SYT6: variants seen among roughly 807,000 people sequenced by gnomAD.
SYT6 encodes synaptotagmin 6, also known as synaptotagmin-6.
Under a neutral mutation model 38.4 loss-of-function variants are expected in SYT6, and 24 were observed. The ratio of observed to expected loss-of-function variants is 0.62; its 90% CI spans 0.45 to 0.88. SYT6 has a LOEUF of 0.88. Among genes scored for constraint, SYT6 ranks in the 40% least tolerant of loss-of-function variants. The pLI is 0.00. For synonymous variants in SYT6, 265 were observed against 241.9 expected (o/e 1.10, Z -0.89); for missense variants, 611 against 621.0 (o/e 0.98, Z 0.17).
At chr1:114,126,707 A>G (rs1002619849) in intron 3 of SYT6, among the ~76,000 whole-genome samples, 1 of 152,212 alleles carries the variant, frequency 6.6e-6, no homozygotes, top group Non-Finnish European at 1.5e-5. Context: ...TAAGGGAAAG[A>G]TTAGATATTT....
chr1:114,100,871 C>G (rs1047619254), intron 4 of SYT6, among the ~76,000 whole-genome samples: 1 of 152,224 alleles, frequency 6.6e-6, no homozygotes. Context: ...CAAAGTGGCT[C>G]CAGACTTGAG....
chr1:114,115,327 T>C (rs1295546915), intron 3 of SYT6, among the ~76,000 whole-genome samples: 1 of 152,236 alleles, frequency 6.6e-6, no homozygotes, highest in East Asian at 1.9e-4. Flanking sequence ...TTTGAATCTA[T>C]TTATTTTGGT....
intron 3 of SYT6, among the ~76,000 whole-genome samples, chr1:114,126,227 T>C (rs539649257): frequency 5.3e-4 from 80 of 152,298 alleles, no homozygotes; most frequent in Non-Finnish European, 1.0e-3. Flanking sequence ...AGGAGGAGGT[T>C]GAGCCAGGTC....
chr1:114,098,695 A>T (rs1194739553), intron 5 of SYT6, among the ~76,000 whole-genome samples: 2 of 152,196 alleles, frequency 1.3e-5, no homozygotes, highest in African/African-American at 4.8e-5. Context: ...GCAGGAATTG[A>T]TGGAGGCAGG....
intron 3 of SYT6, among the ~76,000 whole-genome samples, chr1:114,130,255 T>C (rs1678070339): frequency 6.6e-6 from 1 of 152,180 alleles, no homozygotes. Context: ...CTATTTATCT[T>C]AGTCATTTGC....
intron 3 of SYT6, among the ~76,000 whole-genome samples, chr1:114,117,215 T>C (rs1233529322): frequency 6.6e-6 from 1 of 152,238 alleles, no homozygotes; most frequent in Admixed American, 6.5e-5. Context: ...ATGCTTGAGG[T>C]GGCTACCTGT....
chr1:114,100,237 G>A (rs991804981), intron 4 of SYT6, among the ~76,000 whole-genome samples: 2 of 152,136 alleles, frequency 1.3e-5, no homozygotes, highest in Non-Finnish European at 2.9e-5. Context: ...GAAATGGGAG[G>A]GCGGCTCACA....
chr1:114,092,269 T>A (rs376133826), intron 7 of SYT6, among the ~76,000 whole-genome samples, 187 bp from the exon 8 acceptor site: 1 of 151,732 alleles, frequency 6.6e-6, no homozygotes, highest in African/African-American at 2.4e-5. Flanking sequence ...GAATACCTGA[T>A]TTTCAAAAAG....
intron 3 of SYT6, among the ~76,000 whole-genome samples, chr1:114,104,016 C>T (rs77304068): frequency 3.2e-3 from 490 of 152,322 alleles, no homozygotes; most frequent in African/African-American, 0.011. Context: ...GATCTCCATG[C>T]GCCCCTTGGC....
intron 3 of SYT6, among the ~76,000 whole-genome samples, chr1:114,125,693 G>A (rs570734106): frequency 6.6e-6 from 1 of 152,220 alleles, no homozygotes; most frequent in East Asian, 1.9e-4. Flanking sequence ...ACTGGACAAG[G>A]CTGACCTATA....
intron 3 of SYT6, among the ~76,000 whole-genome samples, chr1:114,120,086 A>AT (rs892683175): frequency 2.6e-5 from 4 of 151,840 alleles, no homozygotes; most frequent in African/African-American, 9.7e-5. Flanking sequence ...AAAAAAAAAA[A>AT]ATCTCTTTTA....
chr1:114,148,447 T>C (rs1290644786), intron 1 of SYT6, among the ~76,000 whole-genome samples: 1 of 152,200 alleles, frequency 6.6e-6, no homozygotes, highest in Admixed American at 6.5e-5. Context: ...GGGCCTGGAA[T>C]TGGTGGTGGA....
At chr1:114,146,296 A>C (rs934413715) in intron 1 of SYT6, among the ~76,000 whole-genome samples, 1 of 152,160 alleles carries the variant, frequency 6.6e-6, no homozygotes, top group Non-Finnish European at 1.5e-5. Context: ...TTGAACTCAG[A>C]CATCCCTCAT....
At chr1:114,123,478 CA>C (rs1677542340) in intron 3 of SYT6, among the ~76,000 whole-genome samples, 2 of 152,188 alleles carry the variant, frequency 1.3e-5, no homozygotes, top group Non-Finnish European at 2.9e-5. Context: ...TTCTACAAAG[CA>C]GTGACCTCTT....
intron 6 of SYT6, among the ~76,000 whole-genome samples, chr1:114,097,222 C>T (rs766313062): frequency 2.0e-5 from 3 of 152,230 alleles, no homozygotes; most frequent in Non-Finnish European, 4.4e-5. Context: ...TGAGGCCATG[C>T]TCCCTTCCCC....
At position 114,137,736 on chromosome 1, in the gene SYT6, C is replaced by A. The variant is rs1678573189; in HGVS notation, c.830G>T (p.Arg277Leu). 2.5e-6 allele frequency: 4 copies of A among 1,613,990 alleles called. No homozygotes were observed. Among genetic ancestry groups the A allele is most frequent in the African/African-American group, 1.3e-5 (1 of 74,890 alleles). ...CACCCGGGTCTGCAGCTTGCATTTG[C>A]GGTCAGGCAGGAGGTAGATCTTGAC... ...PYVKIYLLPD[R>L]KCKLQTRVHR... Residue 277 changes from arginine to leucine, a missense_variant, in exon 3 of 8, where the codon CGC (arginine) becomes CTC (leucine). Physicochemically the swap from Arg to Leu is moderately radical, Grantham distance 102. Coordinates refer to ENST00000610222, the MANE Select transcript of SYT6 (RefSeq NM_001253772.2).
chr1:114,152,379 G>C (rs1679487022), intron 1 of SYT6: 1 of 152,434 alleles, frequency 6.6e-6, no homozygotes, highest in Non-Finnish European at 1.5e-5. Context: ...TGGGGTCGGG[G>C]TGGGGGAATA....
intron 1 of SYT6, among the ~76,000 whole-genome samples, chr1:114,144,828 C>A (rs1361160289): frequency 2.0e-5 from 3 of 152,196 alleles, no homozygotes; most frequent in Admixed American, 6.5e-5. Context: ...GAAGCCAGCA[C>A]TGCCTTTTGA....
In SYT6 at chr1:114,137,848, C is replaced by T. The variant is rs140277785; in HGVS notation, c.718G>A (p.Asp240Asn). ...ACAATCAGGGTCTCGGTCTCGTAAT[C>T]GTAGCGTAGGCTGAAGTTGATCTTC... ...CGKINFSLRY[D>N]YETETLIVRI... Residue 240 changes from aspartate (D) to asparagine (N), a missense_variant, in exon 3 of 8, where the codon GAT becomes AAT. Physicochemically the swap from Asp to Asn is conservative, Grantham distance 23. Transcript: ENST00000610222. 42 of 1,613,990 alleles carry T rather than the reference C, an allele frequency of 2.6e-5. No homozygotes were observed. Among genetic ancestry groups the T allele is most frequent in the Non-Finnish European group, 3.3e-5 (39 of 1,180,004 alleles).
Sources: gnomAD v4.1 joint callset for allele counts (sites outside exome capture counted in the v4.1 genomes callset) on GRCh38, gnomAD v4.1.1 for gene constraint, MANE v1.5 for transcripts, NCBI Gene and HGNC (gene_info 2026-07-23, HGNC 2026-07-21) for gene names.